Variants in NCKAP5 observed in about 807,000 individuals in gnomAD.
NCKAP5 encodes NCK associated protein 5.
NCKAP5 carries 92 observed loss-of-function variants against 167.0 expected under a neutral mutation model. That is an observed-to-expected ratio of 0.55 (90% CI 0.47 to 0.66). NCKAP5 has a LOEUF of 0.66. Among genes scored for constraint, NCKAP5 ranks in the 30% least tolerant of loss-of-function variants. The probability of loss-of-function intolerance (pLI) is 0.00; values close to 1 mark genes in which losing one functional copy is unlikely to be tolerated. For synonymous variants in NCKAP5, 891 were observed against 877.4 expected, an observed-to-expected ratio of 1.02 and a Z score of -0.27; for missense variants, 2,378 against 2,315.0, an observed-to-expected ratio of 1.03 and a Z score of -0.56.
the NCKAP5 span, among the ~76,000 whole-genome samples, chr2:133,609,379 T>C: frequency 6.6e-6 from 1 of 152,352 alleles, no homozygotes; most frequent in East Asian, 1.9e-4. Context: ...ACGGTTTTGT[T>C]TTTAAGAAAG....
intron 3 of NCKAP5, among the ~76,000 whole-genome samples, chr2:133,368,686 A>C (rs532003759): frequency 6.6e-6 from 1 of 152,358 alleles, no homozygotes; most frequent in East Asian, 1.9e-4. Flanking sequence ...CCCTGCCTTC[A>C]AAGTGCTAAT....
chr2:133,136,519 A>G (rs1273780480), intron 5 of NCKAP5, among the ~76,000 whole-genome samples: 2 of 152,192 alleles, frequency 1.3e-5, no homozygotes, highest in Admixed American at 6.5e-5. Context: ...CAGGTGTCCT[A>G]TGCTGGCTTG....
At chr2:133,517,788 T>C (rs1684134392) in intron 2 of NCKAP5, among the ~76,000 whole-genome samples, 1 of 152,368 alleles carries the variant, frequency 6.6e-6, no homozygotes, top group Non-Finnish European at 1.5e-5. Flanking sequence ...CCTGTGTTTT[T>C]ATAGGTTTTG....
intron 7 of NCKAP5, among the ~76,000 whole-genome samples, chr2:132,981,804 C>G (rs1358538436): frequency 2.0e-5 from 3 of 152,194 alleles, no homozygotes; most frequent in East Asian, 1.9e-4. Flanking sequence ...TCTGAAGTAT[C>G]TGTCATCTTA....
At chr2:133,270,601 A>G (rs1214147138) in intron 4 of NCKAP5, among the ~76,000 whole-genome samples, 2 of 152,212 alleles carry the variant, frequency 1.3e-5, no homozygotes, top group Non-Finnish European at 2.9e-5. Context: ...CTTAAGCAAC[A>G]AAAGTACTGG....
intron 13 of NCKAP5, among the ~76,000 whole-genome samples, chr2:132,788,137 C>T (rs1004533900): frequency 1.2e-4 from 18 of 152,110 alleles, no homozygotes; most frequent in African/African-American, 3.6e-4. Context: ...AGGAGACACA[C>T]GAATGCCCCG....
intron 4 of NCKAP5, among the ~76,000 whole-genome samples, chr2:133,282,713 C>T (rs190001760): frequency 1.8e-4 from 28 of 152,204 alleles, no homozygotes; most frequent in Admixed American, 1.8e-3. Context: ...AAGGCTTACA[C>T]CAGGCTAAAC....
At chr2:132,758,689 C>CTT (rs1264910337) in intron 16 of NCKAP5, among the ~76,000 whole-genome samples, 1 of 152,086 alleles carries the variant, frequency 6.6e-6, no homozygotes, top group Admixed American at 6.5e-5. Flanking sequence ...TGGCATCTCT[C>CTT]TTGTGATGCC....
At chr2:133,249,523 T>TATA (rs3083022) in intron 4 of NCKAP5, among the ~76,000 whole-genome samples, 3,744 of 152,302 alleles carry the variant, frequency 0.025, 148 homozygotes, top group African/African-American at 0.085. Context: ...GGCAAATTAT[T>TATA]ATAGCAGCAA....
intron 3 of NCKAP5, among the ~76,000 whole-genome samples, chr2:133,362,668 C>T (rs1685190570): frequency 6.6e-6 from 1 of 152,180 alleles, no homozygotes; most frequent in South Asian, 2.1e-4. Context: ...AACTCCCATT[C>T]ATATCTTTTT....
intron 3 of NCKAP5, among the ~76,000 whole-genome samples, chr2:133,374,680 G>A (rs1686025152): frequency 6.6e-6 from 1 of 152,008 alleles, no homozygotes; most frequent in Non-Finnish European, 1.5e-5. Context: ...GGGCATGTGG[G>A]ACATCTCTGT....
intron 11 of NCKAP5, among the ~76,000 whole-genome samples, chr2:132,803,497 C>T (rs1244041131): frequency 6.6e-6 from 1 of 152,148 alleles, no homozygotes; most frequent in Admixed American, 6.6e-5. Flanking sequence ...TTCAAGGGTC[C>T]CCACTTCCAT....
At chr2:133,101,964 C>T (rs1175272322) in intron 6 of NCKAP5, among the ~76,000 whole-genome samples, 1 of 151,968 alleles carries the variant, frequency 6.6e-6, no homozygotes, top group Non-Finnish European at 1.5e-5. Flanking sequence ...AGAGCACTCC[C>T]AGATTGTGAA....
intron 11 of NCKAP5, among the ~76,000 whole-genome samples, chr2:132,825,467 G>A (rs917087070): frequency 3.9e-5 from 6 of 152,218 alleles, no homozygotes; most frequent in African/African-American, 1.4e-4. Context: ...GTTACACTGA[G>A]TGTCTGATTT....
intron 8 of NCKAP5, among the ~76,000 whole-genome samples, chr2:132,895,640 T>TG (rs1693127178): frequency 4.0e-5 from 6 of 151,730 alleles, no homozygotes; most frequent in South Asian, 4.2e-4. Flanking sequence ...GTGCTGATGA[T>TG]TACTATGTGC....
intron 3 of NCKAP5, among the ~76,000 whole-genome samples, chr2:133,476,766 C>T (rs562292669): frequency 1.5e-3 from 227 of 152,280 alleles, no homozygotes; most frequent in African/African-American, 5.1e-3. Context: ...TCTTATAGCA[C>T]ATTGATTTTT....
At chr2:133,513,445 G>C (rs565801156) in intron 3 of NCKAP5, among the ~76,000 whole-genome samples, 1 of 152,326 alleles carries the variant, frequency 6.6e-6, no homozygotes, top group Non-Finnish European at 1.5e-5. Context: ...GATGCCAAAA[G>C]GCAAGTCCAT....
intron 8 of NCKAP5, among the ~76,000 whole-genome samples, chr2:132,916,030 C>G (rs1185579138): frequency 6.6e-6 from 1 of 152,074 alleles, no homozygotes; most frequent in Non-Finnish European, 1.5e-5. Context: ...TTCACAGCCT[C>G]ACTACATTCA....
chr2:133,121,492 C>T (rs2082249626), intron 6 of NCKAP5, among the ~76,000 whole-genome samples: 2 of 152,228 alleles, frequency 1.3e-5, no homozygotes, highest in South Asian at 4.2e-4. Context: ...CTTGACCTAG[C>T]GTTGGTTACA....
Sources: gnomAD v4.1 joint callset for allele counts (sites outside exome capture counted in the v4.1 genomes callset) on GRCh38, gnomAD v4.1.1 for gene constraint, MANE v1.5 for transcripts, NCBI Gene and HGNC (gene_info 2026-07-23, HGNC 2026-07-21) for gene names.